LPIN1: variants seen among roughly 807,000 people sequenced by gnomAD.
LPIN1 encodes the protein phosphatidate phosphatase LPIN1.
A neutral mutation model predicts 107.5 loss-of-function variants in LPIN1; 71 were observed. The observed-to-expected ratio is 0.66, with a 90% CI of 0.55 to 0.80. The LOEUF is 0.80. Ranked by LOEUF, LPIN1 falls within the 30% of genes least tolerant of loss-of-function variation. LPIN1 has a pLI of 0.00. For missense variants in LPIN1, 1,043 were observed against 1,160.6 expected, an observed-to-expected ratio of 0.90 and a Z score of 1.47; for synonymous variants, 445 against 452.6, an observed-to-expected ratio of 0.98 and a Z score of 0.21.
chr2:11,811,433 A>G (rs1679627946), intron 17 of LPIN1, among the ~76,000 whole-genome samples: 1 of 152,132 alleles, frequency 6.6e-6, no homozygotes, highest in Admixed American at 6.5e-5. Flanking sequence ...AGCAGCAAAC[A>G]TTTTCCCCAT....
chr2:11,820,292 T>C (rs1681290764), intron 19 of LPIN1, 119 bp from the exon 20 acceptor site: 4 of 713,284 alleles, frequency 5.6e-6, no homozygotes, highest in Non-Finnish European at 1.0e-5. Flanking sequence ...TGCACCACTT[T>C]GAGGTAGAGC....
chr2:11,679,026 A>C (rs924515044), intron 1 of LPIN1, among the ~76,000 whole-genome samples: 15 of 152,190 alleles, frequency 9.9e-5, no homozygotes, highest in African/African-American at 3.6e-4. Flanking sequence ...CCCGGTGCTG[A>C]CTGAGAATGG....
upstream of LPIN1, among the ~76,000 whole-genome samples, chr2:11,719,797 T>TC: frequency 6.6e-6 from 1 of 151,264 alleles, no homozygotes; most frequent in East Asian, 1.9e-4. Context: ...GCTTCTTTTT[T>TC]TTTTTTTTTT....
At chr2:11,779,924 G>A (rs941237775) in intron 7 of LPIN1, among the ~76,000 whole-genome samples, 2 of 150,914 alleles carry the variant, frequency 1.3e-5, no homozygotes, top group East Asian at 2.0e-4. Context: ...TCTGTCACCC[G>A]GGCTGGAGGG....
Position 11,771,348 on chromosome 2 carries a change from T to A in LPIN1, c.289-24T>A. The A allele has an allele frequency of 6.2e-7, 1 of 1,613,258 alleles. No individual in the cohort carries two copies. Among genetic ancestry groups the A allele is most frequent in the Non-Finnish European group, 8.5e-7 (1 of 1,179,180 alleles). On this transcript the variant is annotated intron_variant, in intron 3 of 20. Coordinates refer to ENST00000674199, the MANE Select transcript of LPIN1 (RefSeq NM_001349206.2). This position sits in a 1 kb window ranked among gnomAD's most constrained non-coding sequence, Gnocchi z 4.8. ...TATACCTGAATTAACGAGGCTCTTT[T>A]TAGAAAATGTGTTCTTTTCTTAGGA...
intron 17 of LPIN1, among the ~76,000 whole-genome samples, chr2:11,813,904 ACT>A (rs1468024662): frequency 2.6e-5 from 4 of 151,858 alleles, no homozygotes; most frequent in Non-Finnish European, 4.4e-5. Context: ...ACAGAGCAAG[ACT>A]CTGTCTCGAA....
At chr2:11,733,265 G>GATTTT (rs1017205728) in intron 1 of LPIN1, among the ~76,000 whole-genome samples, 2 of 152,102 alleles carry the variant, frequency 1.3e-5, no homozygotes, top group African/African-American at 4.8e-5. Flanking sequence ...ATGGGAAATA[G>GATTTT]ATTTTCTATC....
upstream of LPIN1, chr2:11,746,522 C>G (rs891852131): frequency 3.7e-5 from 12 of 325,070 alleles, no homozygotes; most frequent in Middle Eastern, 1.5e-3. Context: ...GGGCCACCAG[C>G]GCGTCCCGAG....
In LPIN1 at chr2:11,775,890, A is replaced by C. The variant is rs193226977; in HGVS notation, c.723-196A>C. 2.5e-3 allele frequency among the ~76,000 whole-genome samples: 375 copies of C among 147,778 alleles called. 1 individual carries two copies. The highest frequency in any genetic ancestry group is 4.4e-3 in the Non-Finnish European group (297 of 67,088). On this transcript the variant is annotated intron_variant, in intron 5 of 20. Coordinates refer to ENST00000674199, the MANE Select transcript of LPIN1 (RefSeq NM_001349206.2). ...GTAATTATATATAATCTTATATATA[A>C]TCTTTATATAAAGTATATTATATAT...
intron 1 of LPIN1, among the ~76,000 whole-genome samples, chr2:11,750,174 C>T (rs1667580300): frequency 6.6e-6 from 1 of 152,114 alleles, no homozygotes; most frequent in African/African-American, 2.4e-5. Context: ...TTGATGAAGT[C>T]GTCCTCCGCG....
chr2:11,783,980 G>A, intron 9 of LPIN1, 58 bp downstream of exon 9: 1 of 1,612,406 alleles, frequency 6.2e-7, no homozygotes, highest in Non-Finnish European at 8.5e-7. Context: ...CATTCTGTGT[G>A]AGACCAGTTT....
intron 1 of LPIN1, among the ~76,000 whole-genome samples, chr2:11,760,903 G>A (rs979303420): frequency 1.3e-5 from 2 of 151,476 alleles, no homozygotes; most frequent in African/African-American, 2.4e-5. Context: ...GCAAAGAGAT[G>A]GGGGGGACAT....
intron 14 of LPIN1, among the ~76,000 whole-genome samples, chr2:11,797,879 C>T (rs1677003771): frequency 1.3e-5 from 2 of 152,142 alleles, no homozygotes; most frequent in Non-Finnish European, 2.9e-5. Context: ...GGTCCAGGGG[C>T]AGAATGATAT....
chr2:11,824,346 C>G (rs1197175540), intron 20 of LPIN1, among the ~76,000 whole-genome samples: 1 of 151,470 alleles, frequency 6.6e-6, no homozygotes, highest in Non-Finnish European at 1.5e-5. Flanking sequence ...TGACTTCCTC[C>G]TGCCGTCTTT....
At chr2:11,755,501 C>T (rs1396218104) in intron 1 of LPIN1, among the ~76,000 whole-genome samples, 3 of 152,154 alleles carry the variant, frequency 2.0e-5, no homozygotes, top group African/African-American at 7.2e-5. Context: ...AGACAGATGT[C>T]TGTTCAGCCA....
chr2:11,729,186 T>A (rs1339254149), intron 1 of LPIN1, among the ~76,000 whole-genome samples: 1 of 152,094 alleles, frequency 6.6e-6, no homozygotes, highest in Non-Finnish European at 1.5e-5. Context: ...TTAGGACAAA[T>A]ACTTAATGCA....
rs73189035 is a variant in LPIN1, at chr2:11,811,507, A to G, written c.2250-3581A>G. On this transcript the variant is annotated intron_variant, in intron 17 of 20. Transcript: ENST00000674199. ...CAGGCAAGAAGGCTGGCATGCTGACAGTAACTCAGTGGCATGGCCCAACTG... is the reference window on the plus strand; with the variant it reads ...CAGGCAAGAAGGCTGGCATGCTGACGGTAACTCAGTGGCATGGCCCAACTG... 2.1e-3 allele frequency among the ~76,000 whole-genome samples: 325 copies of G among 152,346 alleles called. 1 individual carries two copies. The highest frequency in any genetic ancestry group is 7.1e-3 in the African/African-American group (295 of 41,578).
chr2:11,789,437 T>G (rs1675267202), intron 12 of LPIN1, among the ~76,000 whole-genome samples: 1 of 152,104 alleles, frequency 6.6e-6, no homozygotes, highest in South Asian at 2.1e-4. Flanking sequence ...TGTGCGTGTG[T>G]GTATGTGCAT....
At chr2:11,819,456 G>C in intron 18 of LPIN1, 28 bp from the exon 19 acceptor site, 1 of 1,390,662 alleles carries the variant, frequency 7.2e-7, no homozygotes, top group Non-Finnish European at 1.0e-6. Context: ...AGCCTCTCAT[G>C]TTAATCTGTT....
Sources: allele counts gnomAD v4.1 joint callset (sites outside exome capture counted in the v4.1 genomes callset), GRCh38; gene constraint gnomAD v4.1.1; non-coding constraint Gnocchi (gnomAD v3.1); transcripts MANE v1.5; gene names NCBI Gene and HGNC (gene_info 2026-07-23, HGNC 2026-07-21).